The following TCF7 variants were observed in gnomAD, a reference collection of about 807,000 sequenced individuals.
The protein encoded by TCF7 is T-cell-factor-7.
A neutral mutation model predicts 46.8 loss-of-function variants in TCF7; 19 were observed. The ratio of observed to expected loss-of-function variants is 0.41; its 90% CI spans 0.28 to 0.60. The LOEUF is 0.60. Ranked by LOEUF, TCF7 falls within the 20% of genes least tolerant of loss-of-function variation. TCF7 has a pLI of 0.35. For missense variants in TCF7, 547 were observed against 504.6 expected (o/e 1.08, Z -0.81); for synonymous variants, 245 against 213.4 (o/e 1.15, Z -1.29).
Position 134,146,268 on chromosome 5 carries a change from GC to G in TCF7, c.1124del (p.Pro375GlnfsTer7). On this transcript the variant is annotated frameshift_variant, in exon 10 of 10. Transcript: ENST00000342854. LOFTEE classifies it high-confidence loss of function. The part of the protein sequence containing the change: ...AFGTYPEKAA[A>X]PAPFLPMTVL ...CGGTACTTACCCGGAGAAGGCCGCTGCCCCAGCCCCGTTCCTTCCGATGACA... is the reference window on the plus strand; with the variant it reads ...CGGTACTTACCCGGAGAAGGCCGCTGCCCAGCCCCGTTCCTTCCGATGACA... The G allele has an allele frequency of 3.1e-6, 5 of 1,614,180 alleles. No homozygotes were observed. The highest frequency in any genetic ancestry group is 4.2e-6 in the Non-Finnish European group (5 of 1,180,028).
chr5:134,143,345 A>G (rs1354984915), intron 8 of TCF7: 1 of 775,378 alleles, frequency 1.3e-6, no homozygotes, highest in Admixed American at 1.7e-5. Context: ...CATGGGCAGA[A>G]GGGGAGAAAG....
chr5:134,125,716 G>T (rs1046467310), intron 3 of TCF7, among the ~76,000 whole-genome samples: 2 of 152,252 alleles, frequency 1.3e-5, no homozygotes, highest in Non-Finnish European at 2.9e-5. Flanking sequence ...CACTGGGAGG[G>T]TGCTAGTCTG....
At chr5:134,111,836 T>C (rs576215743), upstream of TCF7, among the ~76,000 whole-genome samples, 5 of 152,320 alleles carry the variant, frequency 3.3e-5, no homozygotes, top group South Asian at 8.3e-4. Context: ...CTGCCTGGGT[T>C]TCAAATTCTG....
chr5:134,144,967 C>A, intron 9 of TCF7: 1 of 1,067,606 alleles, frequency 9.4e-7, no homozygotes, highest in Non-Finnish European at 1.4e-6. Flanking sequence ...TTTGGCCCCT[C>A]AGCCCACTAG....
chr5:134,130,464 AAGGGCTGAGACC>A (rs1445657977), intron 3 of TCF7, among the ~76,000 whole-genome samples: 1 of 152,234 alleles, frequency 6.6e-6, no homozygotes, highest in Non-Finnish European at 1.5e-5. Context: ...GAGCTGGGCC[AAGGGCTGAGACC>A]AGCCTGCACT....
At chr5:134,129,024 C>T (rs1182135978) in intron 3 of TCF7, among the ~76,000 whole-genome samples, 2 of 152,212 alleles carry the variant, frequency 1.3e-5, no homozygotes, top group African/African-American at 4.8e-5. Context: ...CTGTTGAGGC[C>T]TGTCACTGAA....
At chr5:134,143,158 C>A in intron 8 of TCF7, 58 bp downstream of exon 8, 1 of 1,507,310 alleles carries the variant, frequency 6.6e-7, no homozygotes, top group Non-Finnish European at 9.0e-7. Flanking sequence ...GATACCATGC[C>A]CCAGGCCACA....
intron 8 of TCF7, chr5:134,143,355 G>C (rs766938977): frequency 2.6e-6 from 2 of 781,320 alleles, no homozygotes; most frequent in South Asian, 2.7e-5. Flanking sequence ...AGGGGAGAAA[G>C]GGGTCTGGAA....
chr5:134,134,788 C>T (rs957497505), intron 3 of TCF7, among the ~76,000 whole-genome samples: 1 of 152,174 alleles, frequency 6.6e-6, no homozygotes, highest in Non-Finnish European at 1.5e-5. Context: ...AGCCTAGAGC[C>T]AGGCTTCCCA....
intron 5 of TCF7, chr5:134,140,897 C>A: frequency 2.4e-6 from 1 of 408,560 alleles, no homozygotes; most frequent in South Asian, 1.7e-5. Context: ...AGGTGAGTCC[C>A]CTACACTGCA....
intron 5 of TCF7, 52 bp from the exon 6 acceptor site, chr5:134,142,133 A>T: frequency 6.2e-7 from 1 of 1,612,216 alleles, no homozygotes; most frequent in South Asian, 1.1e-5. Flanking sequence ...TGTGTGTCCA[A>T]AGGTCTGGCC....
upstream of TCF7, among the ~76,000 whole-genome samples, chr5:134,114,055 G>A (rs948725154): frequency 3.9e-5 from 6 of 152,216 alleles, no homozygotes; most frequent in Non-Finnish European, 8.8e-5. Context: ...GCCTGACTGA[G>A]GGGCCCGTCA....
At chr5:134,135,792 G>T (rs529600003) in intron 3 of TCF7, among the ~76,000 whole-genome samples, 84 of 152,322 alleles carry the variant, frequency 5.5e-4, no homozygotes, top group African/African-American at 1.9e-3. Flanking sequence ...GTTTAAAGCT[G>T]TAAACCCAGA....
At chr5:134,128,161 C>G (rs78230623) in intron 3 of TCF7, among the ~76,000 whole-genome samples, 19,324 of 152,252 alleles carry the variant, frequency 0.13, 1,465 homozygotes, top group South Asian at 0.23. Flanking sequence ...GGGTGCCTGG[C>G]TCCCCCGTCC....
chr5:134,127,556 T>C (rs1338972109), intron 3 of TCF7, among the ~76,000 whole-genome samples: 6 of 152,198 alleles, frequency 3.9e-5, no homozygotes, highest in Admixed American at 2.0e-4. Context: ...GGGGGTTTCC[T>C]AGGCTCTGAG....
At chr5:134,116,330 A>G (rs1357532132) in intron 3 of TCF7, among the ~76,000 whole-genome samples, 2 of 152,208 alleles carry the variant, frequency 1.3e-5, no homozygotes, top group Admixed American at 1.3e-4. Flanking sequence ...GGGTCTTCTT[A>G]GAGAACTTTT....
Position 134,147,973 on chromosome 5 carries a change from C to CAAAAAAAA in TCF7, c.*1687_*1694dup, listed in dbSNP as rs57382538. Reference sequence around the variant, plus strand: ...TCTGGGTAACAGGGAGACTGCATCTCAAAAAAAAAAAAAAAAAAAAAAAAG... The same window carrying CAAAAAAAA: ...TCTGGGTAACAGGGAGACTGCATCTCAAAAAAAAAAAAAAAAAAAAAAAAAAAAAAAAG... On this transcript the variant is annotated 3_prime_UTR_variant, in exon 10 of 10. Coordinates refer to ENST00000342854, the MANE Select transcript of TCF7 (RefSeq NM_003202.5). 3 of 48,170 alleles carry CAAAAAAAA rather than the reference C, an allele frequency of 6.2e-5. 1 individual carries two copies. Among genetic ancestry groups the CAAAAAAAA allele is most frequent in the Non-Finnish European group, 1.2e-4 (3 of 24,172 alleles). The allele number at this position is 48,170 out of a possible 1,614,324, so 3.0% of individuals were successfully genotyped here. A position where few individuals can be genotyped will look rare whatever the true frequency, so the allele number is the denominator to read the frequency against.
chr5:134,112,187 C>T (rs71587519), upstream of TCF7, among the ~76,000 whole-genome samples: 1 of 152,220 alleles, frequency 6.6e-6, no homozygotes, highest in Non-Finnish European at 1.5e-5. Flanking sequence ...AATCTACCTC[C>T]TTCAGGAAGC....
Position 134,142,958 on chromosome 5 carries a change from T to G in TCF7, c.919-35T>G, listed in dbSNP as rs781615227. 1.9e-6 allele frequency: 3 copies of G among 1,613,002 alleles called. 1 individual carries two copies. The South Asian group carries it at 3.3e-5, about 18-fold the overall frequency. ...AGCCTGGTGCAGCCTGCTGACTCCCTGATGCACCCCACCTGCCCCTCTTCC... is the reference window on the plus strand; with the variant it reads ...AGCCTGGTGCAGCCTGCTGACTCCCGGATGCACCCCACCTGCCCCTCTTCC... On this transcript the variant is annotated intron_variant, in intron 7 of 9. Transcript: ENST00000342854.
Sources: gnomAD v4.1 joint callset for allele counts (sites outside exome capture counted in the v4.1 genomes callset) on GRCh38, gnomAD v4.1.1 for gene constraint, MANE v1.5 for transcripts, NCBI Gene and HGNC (gene_info 2026-07-23, HGNC 2026-07-21) for gene names.